The following TRAF7 variants were observed in gnomAD, a reference collection of about 807,000 sequenced individuals.
TRAF7 encodes E3 ubiquitin-protein ligase TRAF7.
In TRAF7, 45 loss-of-function variants were observed where a neutral mutation model predicts 89.3. That is an observed-to-expected ratio of 0.50 (90% confidence interval 0.40 to 0.65). The LOEUF is 0.65. Ranked by LOEUF, TRAF7 falls within the 30% of genes least tolerant of loss-of-function variation. The pLI is 0.00. For synonymous variants in TRAF7, 406 were observed against 369.2 expected, an observed-to-expected ratio of 1.10 and a Z score of -1.14; for missense variants, 677 against 918.1, an observed-to-expected ratio of 0.74 and a Z score of 3.39.
Position 2,176,721 on chromosome 16 carries a change from C to T in TRAF7, c.*147C>T. On this transcript the variant is annotated 3_prime_UTR_variant, in exon 21 of 21. Transcript: ENST00000326181. ...GGCAGCCGGGCAGTGCCCTCCCCGT[C>T]CCATGCTCGGCGAGCCTCCCTCTAC... is the stretch of plus-strand genomic sequence containing the variant. 1 of 1,210,602 alleles carries T rather than the reference C, an allele frequency of 8.3e-7. No homozygotes were observed. The highest frequency in any genetic ancestry group is 1.2e-6 in the Non-Finnish European group (1 of 843,474). The allele number at this position is 1,210,602 out of a possible 1,614,324, so 75.0% of individuals were successfully genotyped here.
At chr16:2,175,035 A>T in intron 14 of TRAF7, 76 bp from the exon 15 acceptor site, 1 of 1,570,142 alleles carries the variant, frequency 6.4e-7, no homozygotes, top group Non-Finnish European at 8.8e-7. Context: ...GCTGGCATGG[A>T]CCTCGGGCCC....
At chr16:2,174,128 TG>T in intron 13 of TRAF7, 80 bp downstream of exon 13, 6 of 1,603,996 alleles carry the variant, frequency 3.7e-6, no homozygotes, top group Non-Finnish European at 1.7e-6. Flanking sequence ...AGCCTGCCTA[TG>T]GGTGGGACCT....
intron 9 of TRAF7, among the ~76,000 whole-genome samples, chr16:2,172,976 T>G (rs984324098): frequency 6.6e-6 from 1 of 151,640 alleles, no homozygotes; most frequent in African/African-American, 2.4e-5. Context: ...CTTGAAGAGC[T>G]CTGCGGGGGT....
At chr16:2,166,831 G>T (rs1363856139) in intron 3 of TRAF7, among the ~76,000 whole-genome samples, 1 of 152,268 alleles carries the variant, frequency 6.6e-6, no homozygotes, top group African/African-American at 2.4e-5. Context: ...GCCGTGCTCA[G>T]GGAGACCATG....
At chr16:2,172,767 C>T (rs539813788) in intron 9 of TRAF7, among the ~76,000 whole-genome samples, 168 bp downstream of exon 9, 11 of 151,572 alleles carry the variant, frequency 7.3e-5, no homozygotes, top group Admixed American at 2.6e-4. Flanking sequence ...GAGGGGGAGC[C>T]GAGGGCGTCC....
At chr16:2,169,752 G>A (rs1287829397) in intron 4 of TRAF7, among the ~76,000 whole-genome samples, 2 of 152,310 alleles carry the variant, frequency 1.3e-5, no homozygotes, top group African/African-American at 4.8e-5. Flanking sequence ...CCATGCAGAC[G>A]GGCCCTTGGG....
chr16:2,170,476 A>G, intron 4 of TRAF7, 138 bp from the exon 5 acceptor site: 1 of 645,136 alleles, frequency 1.6e-6, no homozygotes, highest in Non-Finnish European at 2.7e-6. Context: ...GCCCCCGTGG[A>G]CGAGGAGAGT....
At position 2,158,152 on chromosome 16, in the gene TRAF7, G is replaced by A. The variant is rs553212860; in HGVS notation, c.-39+2294G>A. ...TGCGGGGTCAGGGAGGGCATGTGGG[G>A]AGGGCCGAGAGCTGTTGGCTGCGTG... On this transcript the variant is annotated intron_variant, in intron 1 of 20. Coordinates refer to ENST00000326181, the MANE Select transcript of TRAF7 (RefSeq NM_032271.3). The surrounding 1 kb of genome is among the most constrained non-coding windows in gnomAD (Gnocchi z 4.7). Among the ~76,000 whole-genome samples the A allele has an allele frequency of 6.6e-6, 1 of 152,306 alleles. No homozygotes were observed. Among genetic ancestry groups the A allele is most frequent in the South Asian group, 2.1e-4 (1 of 4,826 alleles).
intron 3 of TRAF7, among the ~76,000 whole-genome samples, chr16:2,167,024 G>A (rs1363595938): frequency 2.6e-5 from 4 of 152,204 alleles, no homozygotes; most frequent in Admixed American, 2.0e-4. Context: ...GGGCCGCCAA[G>A]GACACCTGCT....
At position 2,175,529 on chromosome 16, in the gene TRAF7, G is replaced by A. The variant is rs920576157; in HGVS notation, c.1533G>A (p.Lys511=). The stretch of plus-strand genomic sequence containing the variant: ...GGGACATCGTGGGCACTGAGCTGAA[G>A]TTGAAGAAGGAGCTCACAGGCCTCA... ...KVWDIVGTEL[K]LKKELTGLNH... The change falls in exon 17 of 21, where the codon AAG becomes AAA. Residue 511 remains lysine, a synonymous_variant. Coordinates refer to ENST00000326181, the MANE Select transcript of TRAF7 (RefSeq NM_032271.3). The A allele has an allele frequency of 4.3e-6, 7 of 1,613,206 alleles. No homozygotes were observed. Among genetic ancestry groups the A allele is most frequent in the Non-Finnish European group, 5.9e-6 (7 of 1,179,998 alleles).
At position 2,178,034 on chromosome 16, in the gene TRAF7, T is replaced by G. The variant is rs1452378092; in HGVS notation, c.*1460T>G. On this transcript the variant is annotated 3_prime_UTR_variant, in exon 21 of 21. Transcript: ENST00000326181. ...TTCTATAGAATCAATAATATTTCTT[T>G]CTTTAAATATATATTTGTTAAAGTT... 2.2e-6 allele frequency: 1 copy of G among 448,564 alleles called. No homozygotes were observed. Among genetic ancestry groups the G allele is most frequent in the Admixed American group, 3.2e-5 (1 of 31,058 alleles). The allele number at this position is 448,564 out of a possible 1,614,324, so 27.8% of individuals were successfully genotyped here.
rs73498159 is a variant in TRAF7, at chr16:2,164,128, G to T, written c.81+127G>T. The T allele has an allele frequency of 7.6e-3, 5,672 of 750,334 alleles. 170 individuals carry two copies. Among genetic ancestry groups the T allele is most frequent in the African/African-American group, 0.069 (3,660 of 53,238 alleles). The allele number at this position is 750,334 out of a possible 1,614,324, so 46.5% of individuals were successfully genotyped here. On this transcript the variant is annotated intron_variant, in intron 2 of 20. Coordinates refer to ENST00000326181, the MANE Select transcript of TRAF7 (RefSeq NM_032271.3). Reference sequence around the variant, plus strand: ...GCTGGGGTCTCAGGGGAGCTCGGTGGGGGGGGGTGTGGTGTGTGTGTGTGT... The same window carrying T: ...GCTGGGGTCTCAGGGGAGCTCGGTGTGGGGGGGTGTGGTGTGTGTGTGTGT...
In TRAF7 at chr16:2,158,954, C is replaced by G. The variant is rs927336143; in HGVS notation, c.-39+3096C>G. On this transcript the variant is annotated intron_variant, in intron 1 of 20. Transcript: ENST00000326181. The surrounding 1 kb of genome is among the most constrained non-coding windows in gnomAD (Gnocchi z 4.7). ...CACTCTGGATCCCAGCAGCCTCATC[C>G]TCCAGGAAGCCCTCTGGACTTCCCC... Among the ~76,000 whole-genome samples, 3 of 152,184 alleles carry G rather than the reference C, an allele frequency of 2.0e-5. No homozygotes were observed. Among genetic ancestry groups the G allele is most frequent in the Non-Finnish European group, 4.4e-5 (3 of 68,036 alleles).
chr16:2,160,767 A>T (rs1258947764), intron 1 of TRAF7, among the ~76,000 whole-genome samples: 1 of 151,944 alleles, frequency 6.6e-6, no homozygotes, highest in Non-Finnish European at 1.5e-5. Flanking sequence ...TTGAAGGGGA[A>T]TTCTCACTCC....
At position 2,176,401 on chromosome 16, in the gene TRAF7, C is replaced by A; in HGVS notation, c.1998+17C>A. 6.2e-7 allele frequency: 1 copy of A among 1,610,778 alleles called. No individual in the cohort carries two copies. On this transcript the variant is annotated intron_variant, in intron 20 of 20. Coordinates refer to ENST00000326181, the MANE Select transcript of TRAF7 (RefSeq NM_032271.3). ...ACTGTGAAGGTCAGTGCCCGTGGCTCAGGCCATTCAAAGGGGCTGCACAGG... is the reference window on the plus strand; with the variant it reads ...ACTGTGAAGGTCAGTGCCCGTGGCTAAGGCCATTCAAAGGGGCTGCACAGG...
intron 11 of TRAF7, 60 bp from the exon 12 acceptor site, chr16:2,173,728 C>T (rs1401033715): frequency 1.9e-6 from 3 of 1,601,462 alleles, no homozygotes; most frequent in African/African-American, 1.3e-5. Flanking sequence ...GGCAGAGAGG[C>T]TGCACTGGCC....
Position 2,168,243 on chromosome 16 carries a change from A to G in TRAF7, c.231+75A>G. 7.5e-7 allele frequency: 1 copy of G among 1,338,106 alleles called. No homozygotes were observed. Among genetic ancestry groups the G allele is most frequent in the Non-Finnish European group, 1.0e-6 (1 of 968,404 alleles). The allele number at this position is 1,338,106 out of a possible 1,614,324, so 82.9% of individuals were successfully genotyped here. On this transcript the variant is annotated intron_variant, in intron 4 of 20. Transcript: ENST00000326181. This position sits in a 1 kb window ranked among gnomAD's most constrained non-coding sequence, Gnocchi z 4.1. ...CTCCCTCCTGGGGGAACCAGGTCCCAGGAGGAGTTGACAGTGAGCTGGTGA... is the reference window on the plus strand; with the variant it reads ...CTCCCTCCTGGGGGAACCAGGTCCCGGGAGGAGTTGACAGTGAGCTGGTGA...
At position 2,156,392 on chromosome 16, in the gene TRAF7, C is replaced by T. The variant is rs199641339; in HGVS notation, c.-39+534C>T. On this transcript the variant is annotated intron_variant, in intron 1 of 20. Transcript: ENST00000326181. ...GTCTCCATGCATTGGCAAATGCCTC[C>T]TGCGGAACAACTCCCCCCATCCCCC... Among the ~76,000 whole-genome samples, 5 of 152,236 alleles carry T rather than the reference C, an allele frequency of 3.3e-5. No individual in the cohort carries two copies. The East Asian group carries it at 7.7e-4, about 23-fold the overall frequency.
At chr16:2,174,154 T>C in intron 13 of TRAF7, 97 bp from the exon 14 acceptor site, 1 of 1,593,344 alleles carries the variant, frequency 6.3e-7, no homozygotes, top group South Asian at 1.1e-5. Context: ...GGCAGGGCCC[T>C]CTCCCATGGG....
Sources: allele counts gnomAD v4.1 joint callset (sites outside exome capture counted in the v4.1 genomes callset), GRCh38; gene constraint gnomAD v4.1.1; non-coding constraint Gnocchi (gnomAD v3.1); transcripts MANE v1.5; gene names NCBI Gene and HGNC (gene_info 2026-07-23, HGNC 2026-07-21).